NRG3: variants seen among roughly 807,000 people sequenced by gnomAD.
The protein encoded by NRG3 is neuregulin 3.
NRG3 carries 31 observed loss-of-function variants against 66.9 expected under a neutral mutation model. The ratio of observed to expected loss-of-function variants is 0.46; its 90% CI spans 0.35 to 0.63. The LOEUF is 0.63. NRG3 is among the 20% of genes least tolerant of loss of function. NRG3 has a pLI of 0.00. For missense variants in NRG3, 910 were observed against 878.9 expected (o/e 1.04, Z -0.45); for synonymous variants, 393 against 359.4 (o/e 1.09, Z -1.06).
At chr10:81,887,618 G>T (rs1255260837) in intron 1 of NRG3, among the ~76,000 whole-genome samples, 1 of 152,050 alleles carries the variant, frequency 6.6e-6, no homozygotes, top group Non-Finnish European at 1.5e-5. Context: ...AATTTTCAGT[G>T]GCTGGAACAT....
chr10:81,921,375 A>T (rs1846238960), intron 1 of NRG3, among the ~76,000 whole-genome samples: 1 of 152,102 alleles, frequency 6.6e-6, no homozygotes, highest in Non-Finnish European at 1.5e-5. Flanking sequence ...ATGTATTAAT[A>T]ATAGTAACTC....
intron 1 of NRG3, among the ~76,000 whole-genome samples, chr10:82,098,287 T>C (rs544792335): frequency 5.3e-5 from 8 of 151,418 alleles, no homozygotes; most frequent in Admixed American, 2.6e-4. Context: ...TATATGTCAT[T>C]TATATATATG....
chr10:82,668,051 C>A (rs901286824), intron 2 of NRG3, among the ~76,000 whole-genome samples: 1 of 152,144 alleles, frequency 6.6e-6, no homozygotes, highest in African/African-American at 2.4e-5. Context: ...AAAAATTAAA[C>A]CAGCTTCCTC....
At chr10:82,553,579 A>T (rs1275877290) in intron 2 of NRG3, among the ~76,000 whole-genome samples, 1 of 152,068 alleles carries the variant, frequency 6.6e-6, no homozygotes, top group Non-Finnish European at 1.5e-5. Context: ...AGAAAAATAT[A>T]TGGAGTCTTT....
chr10:82,726,532 A>G (rs2057610012), intron 2 of NRG3, among the ~76,000 whole-genome samples: 1 of 152,072 alleles, frequency 6.6e-6, no homozygotes, highest in Admixed American at 6.5e-5. Flanking sequence ...GCTGCCATTC[A>G]TGTAAGATGT....
chr10:82,119,279 A>C (rs1174367787), intron 1 of NRG3, among the ~76,000 whole-genome samples: 1 of 152,104 alleles, frequency 6.6e-6, no homozygotes, highest in Non-Finnish European at 1.5e-5. Context: ...CAACGACAAC[A>C]ATGTCTCCTA....
chr10:82,106,162 T>C (rs749670082), intron 1 of NRG3, among the ~76,000 whole-genome samples: 7 of 151,580 alleles, frequency 4.6e-5, no homozygotes, highest in South Asian at 2.1e-4. Flanking sequence ...GGCAACTGAG[T>C]GTTGAACAGA....
chr10:82,250,494 G>A (rs1251128621), intron 1 of NRG3, among the ~76,000 whole-genome samples: 2 of 152,064 alleles, frequency 1.3e-5, no homozygotes, highest in African/African-American at 4.8e-5. Context: ...GCTGAGGCAG[G>A]AGAATCACTT....
At chr10:82,621,361 C>T (rs887059009) in intron 2 of NRG3, among the ~76,000 whole-genome samples, 6 of 152,200 alleles carry the variant, frequency 3.9e-5, no homozygotes, top group African/African-American at 1.4e-4. Flanking sequence ...GGGAAAATTC[C>T]TGCTGTAACA....
At chr10:82,936,049 A>G (rs1848038395) in intron 4 of NRG3, among the ~76,000 whole-genome samples, 1 of 152,164 alleles carries the variant, frequency 6.6e-6, no homozygotes, top group South Asian at 2.1e-4. Context: ...ATCATATTCC[A>G]TTTCTTGGTC....
At chr10:82,650,481 G>A (rs2051326936) in intron 2 of NRG3, among the ~76,000 whole-genome samples, 1 of 152,144 alleles carries the variant, frequency 6.6e-6, no homozygotes, top group Admixed American at 6.5e-5. Flanking sequence ...TCAGCATGAG[G>A]GACACATCTG....
intron 3 of NRG3, among the ~76,000 whole-genome samples, chr10:82,817,560 G>A (rs17100836): frequency 6.6e-6 from 1 of 152,034 alleles, no homozygotes; most frequent in Non-Finnish European, 1.5e-5. Context: ...TGTCCAAATT[G>A]GTCCAAGTTT....
intron 2 of NRG3, among the ~76,000 whole-genome samples, chr10:82,632,887 C>T (rs1397687700): frequency 1.3e-5 from 2 of 152,152 alleles, no homozygotes; most frequent in African/African-American, 2.4e-5. Flanking sequence ...TGGGAAGTTA[C>T]AACAGTTAAG....
At chr10:82,146,937 C>A (rs1022013945) in intron 1 of NRG3, among the ~76,000 whole-genome samples, 2 of 152,084 alleles carry the variant, frequency 1.3e-5, no homozygotes, top group South Asian at 4.2e-4. Flanking sequence ...GTCCAGCCAG[C>A]TATAAAAGGA....
intron 2 of NRG3, among the ~76,000 whole-genome samples, chr10:82,712,998 T>C (rs1302517987): frequency 6.6e-6 from 1 of 151,678 alleles, no homozygotes; most frequent in Non-Finnish European, 1.5e-5. Flanking sequence ...CAGATGCCTA[T>C]AATCCTAGCT....
At chr10:82,543,609 C>A (rs535229590) in intron 2 of NRG3, among the ~76,000 whole-genome samples, 1 of 152,236 alleles carries the variant, frequency 6.6e-6, no homozygotes, top group African/African-American at 2.4e-5. Context: ...AGATAAAACT[C>A]AGGTTCCACT....
intron 1 of NRG3, among the ~76,000 whole-genome samples, chr10:81,993,399 TG>T (rs1209147400): frequency 6.6e-6 from 1 of 152,096 alleles, no homozygotes; most frequent in East Asian, 1.9e-4. Context: ...CAGGCTGGAG[TG>T]CAGAGGTGTG....
intron 4 of NRG3, among the ~76,000 whole-genome samples, chr10:82,894,986 A>G (rs913860199): frequency 1.3e-5 from 2 of 152,170 alleles, no homozygotes; most frequent in Non-Finnish European, 2.9e-5. Context: ...GAGTCAGAAC[A>G]TGCAGTGTTT....
chr10:82,197,152 A>C (rs2074493537), intron 1 of NRG3, among the ~76,000 whole-genome samples: 2 of 152,220 alleles, frequency 1.3e-5, no homozygotes, highest in South Asian at 4.1e-4. Flanking sequence ...TGGCCCTCAC[A>C]GGAAGTTTTG....
Sources: gnomAD v4.1 joint callset for allele counts (sites outside exome capture counted in the v4.1 genomes callset) on GRCh38, gnomAD v4.1.1 for gene constraint, MANE v1.5 for transcripts, NCBI Gene and HGNC (gene_info 2026-07-23, HGNC 2026-07-21) for gene names.